SF3B3: variants seen among roughly 807,000 people sequenced by gnomAD.
SF3B3 encodes the protein SAP 130.
A neutral mutation model predicts 139.2 loss-of-function variants in SF3B3; 33 were observed. That is an observed-to-expected ratio of 0.24 (90% confidence interval 0.18 to 0.32). The LOEUF (loss-of-function observed/expected upper bound fraction) is 0.32. Ranked by LOEUF, SF3B3 falls within the 10% of genes least tolerant of loss-of-function variation. The pLI is 1.00. For synonymous variants in SF3B3, 596 were observed against 563.6 expected, an observed-to-expected ratio of 1.06 and a Z score of -0.81; for missense variants, 818 against 1,509.4, an observed-to-expected ratio of 0.54 and a Z score of 7.59.
At chr16:70,566,301 G>T (rs1186623674) in intron 20 of SF3B3, among the ~76,000 whole-genome samples, 2 of 151,980 alleles carry the variant, frequency 1.3e-5, no homozygotes, top group African/African-American at 4.8e-5. Flanking sequence ...GGTGTCTCAC[G>T]CCTGTAATCC....
chr16:70,559,558 A>G (rs1406093773), intron 15 of SF3B3, among the ~76,000 whole-genome samples: 1 of 152,114 alleles, frequency 6.6e-6, no homozygotes, highest in African/African-American at 2.4e-5. Context: ...ATGGTGGCTC[A>G]TGCCTGTAGT....
rs776302825 is a variant in SF3B3 at position 70,532,565 on chromosome 16, T to C, written c.657T>C (p.His219=). 17 of 1,614,130 alleles carry C rather than the reference T, an allele frequency of 1.1e-5. No individual in the cohort carries two copies. In the South Asian group the frequency reaches 1.5e-4, roughly 15 times the overall value. The change falls in exon 5 of 26, where the codon CAT becomes CAC. Residue 219 remains histidine (H), a synonymous_variant. Transcript: ENST00000302516. ...TFYELDLGLN[H]VVRKYSEPLE... ...ATGAGCTAGACCTTGGTTTAAATCATGTGGTCCGAAAATACAGTGAACCTT... is the reference window on the plus strand; with the variant it reads ...ATGAGCTAGACCTTGGTTTAAATCACGTGGTCCGAAAATACAGTGAACCTT...
At chr16:70,552,579 T>C (rs537584721) in intron 11 of SF3B3, among the ~76,000 whole-genome samples, 1 of 152,310 alleles carries the variant, frequency 6.6e-6, no homozygotes, top group East Asian at 1.9e-4. Flanking sequence ...TCTAGCAAAA[T>C]AACCAAAAAC....
At chr16:70,550,875 TC>T (rs2050318854) in intron 11 of SF3B3, among the ~76,000 whole-genome samples, 1 of 152,150 alleles carries the variant, frequency 6.6e-6, no homozygotes, top group Admixed American at 6.5e-5. Context: ...CCTCTCTACT[TC>T]CTCCCACAGA....
intron 21 of SF3B3, among the ~76,000 whole-genome samples, chr16:70,567,893 G>A (rs566266554): frequency 3.3e-5 from 5 of 152,180 alleles, no homozygotes; most frequent in Admixed American, 2.6e-4. Context: ...TACCATGTTG[G>A]CCAGGCTAGT....
intron 11 of SF3B3, among the ~76,000 whole-genome samples, chr16:70,551,135 G>A (rs2050320842): frequency 6.6e-6 from 1 of 152,124 alleles, no homozygotes; most frequent in Non-Finnish European, 1.5e-5. Context: ...TTACCTTTTG[G>A]AGTGAGCTGC....
intron 13 of SF3B3, 144 bp from the exon 14 acceptor site, chr16:70,556,035 T>A: frequency 2.7e-6 from 2 of 740,774 alleles, no homozygotes. Flanking sequence ...TTCTTGTCAT[T>A]TACTATAGTA....
chr16:70,551,945 G>A (rs2050331496), intron 11 of SF3B3, among the ~76,000 whole-genome samples: 3 of 152,206 alleles, frequency 2.0e-5, no homozygotes, highest in African/African-American at 7.2e-5. Flanking sequence ...TATTCACAGG[G>A]CAGTGTTTAT....
intron 5 of SF3B3, among the ~76,000 whole-genome samples, chr16:70,533,735 A>C (rs1055300700): frequency 3.9e-5 from 6 of 152,182 alleles, no homozygotes; most frequent in African/African-American, 1.4e-4. Context: ...TTTGCACTTC[A>C]ACTGATGTCT....
intron 2 of SF3B3, among the ~76,000 whole-genome samples, chr16:70,528,464 CTTTTTTTTTTTTTTT>C (rs71387528): frequency 4.8e-5 from 5 of 103,934 alleles, no homozygotes; most frequent in Admixed American, 1.1e-4. Flanking sequence ...TGTGCGTGGC[CTTTTTTTTTTTTTTT>C]TTTTTTTTTA....
intron 8 of SF3B3, among the ~76,000 whole-genome samples, chr16:70,541,187 C>T (rs1302991760): frequency 1.3e-5 from 2 of 152,128 alleles, no homozygotes; most frequent in African/African-American, 2.4e-5. Context: ...TTGCCTTTCC[C>T]CGGTGATGAG....
Position 70,556,229 on chromosome 16 carries a change from G to C in SF3B3, c.1761G>C (p.Val587=), listed in dbSNP as rs756169340. Reference sequence around the variant, plus strand: ...AACGGAAGGAGATGTCAGCAGATGTGGTGTGCATGAGTCTGGCCAATGTAC... The same window carrying C: ...AACGGAAGGAGATGTCAGCAGATGTCGTGTGCATGAGTCTGGCCAATGTAC... The part of the protein sequence containing the change: ...YTERKEMSAD[V]VCMSLANVPP... Residue 587 remains valine, a synonymous_variant, in exon 14 of 26, where the codon GTG becomes GTC. Transcript: ENST00000302516. 1 of 1,614,158 alleles carries C rather than the reference G, an allele frequency of 6.2e-7. No homozygotes were observed. Among genetic ancestry groups the C allele is most frequent in the Non-Finnish European group, 8.5e-7 (1 of 1,180,024 alleles).
intron 24 of SF3B3, 22 bp downstream of exon 24, chr16:70,570,171 T>C (rs760696447): frequency 7.4e-6 from 12 of 1,613,270 alleles, no homozygotes; most frequent in Non-Finnish European, 1.0e-5. Flanking sequence ...CACATTACTC[T>C]GGCCTTGACT....
chr16:70,570,636 G>A (rs535404244), intron 24 of SF3B3, among the ~76,000 whole-genome samples: 16 of 152,160 alleles, frequency 1.1e-4, no homozygotes, highest in Admixed American at 2.6e-4. Flanking sequence ...CGGCCAGGCC[G>A]TTTGTTTTTA....
rs755997535 is a variant in SF3B3 at position 70,530,741 on chromosome 16, A to G, written c.398-4A>G. 45 of 1,609,576 alleles carry G rather than the reference A, an allele frequency of 2.8e-5. No individual in the cohort carries two copies. Among genetic ancestry groups the G allele is most frequent in the Non-Finnish European group, 3.5e-5 (41 of 1,178,014 alleles). ...CTTGTATGTTTTATCTCCTTCAACT[A>G]CAGGTGCCATTGAGAAACAGAAATT... is the stretch of plus-strand genomic sequence containing the variant. On this transcript the variant is annotated splice_region_variant and splice_polypyrimidine_tract_variant and intron_variant, in intron 3 of 25. Transcript: ENST00000302516.
At chr16:70,531,956 C>T (rs2050125447) in intron 4 of SF3B3, among the ~76,000 whole-genome samples, 1 of 152,200 alleles carries the variant, frequency 6.6e-6, no homozygotes, top group Non-Finnish European at 1.5e-5. Context: ...GTCCTAGCTG[C>T]TTGGGAGCCT....
At chr16:70,547,507 G>A (rs749270200) in intron 10 of SF3B3, among the ~76,000 whole-genome samples, 1 of 152,228 alleles carries the variant, frequency 6.6e-6, no homozygotes, top group Non-Finnish European at 1.5e-5. Context: ...TATAGGACAT[G>A]TAGAGAATCA....
intron 3 of SF3B3, 54 bp downstream of exon 3, chr16:70,529,253 T>G (rs1258065711): frequency 1.4e-6 from 2 of 1,444,974 alleles, no homozygotes; most frequent in East Asian, 4.6e-5. Context: ...AACAATGCTG[T>G]GCTCTTGGTG....
chr16:70,564,014 G>T lies in SF3B3; in HGVS notation c.2427G>T (p.Glu809Asp). Residue 809 changes from glutamate (E) to aspartate (D), a missense_variant, in exon 18 of 26, where the codon GAG becomes GAT. Glu to Asp is a conservative substitution (Grantham distance 45). Transcript: ENST00000302516. ...AAACGGACCACAATGCCTACACTGA[G>T]GCCACGAAAGCTCAGAGAAAGCAGC... Reference protein sequence around the residue: ...IIETDHNAYTEATKAQRKQQM... With the variant: ...IIETDHNAYTDATKAQRKQQM... 1.2e-6 allele frequency: 2 copies of T among 1,614,068 alleles called. No homozygotes were observed. The highest frequency in any genetic ancestry group is 1.7e-6 in the Non-Finnish European group (2 of 1,180,010).
Sources: allele counts gnomAD v4.1 joint callset (sites outside exome capture counted in the v4.1 genomes callset), GRCh38; gene constraint gnomAD v4.1.1; transcripts MANE v1.5; gene names NCBI Gene and HGNC (gene_info 2026-07-23, HGNC 2026-07-21).